Variants in TRPM6 observed in about 807,000 individuals in gnomAD.
TRPM6 encodes transient receptor potential cation channel subfamily M member 6.
In TRPM6, 111 loss-of-function variants were observed where a neutral mutation model predicts 247.6. The ratio of observed to expected loss-of-function variants is 0.45; its 90% CI spans 0.38 to 0.52. The LOEUF (loss-of-function observed/expected upper bound fraction) is 0.52. TRPM6 is among the 20% of genes least tolerant of loss of function. The pLI is 0.00. For synonymous variants in TRPM6, 892 were observed against 853.8 expected (o/e 1.04, Z -0.78); for missense variants, 2,126 against 2,421.5 (o/e 0.88, Z 2.56).
chr9:74,797,654 C>T (rs1828147281), intron 17 of TRPM6, among the ~76,000 whole-genome samples: 1 of 151,948 alleles, frequency 6.6e-6, no homozygotes, highest in African/African-American at 2.4e-5. Context: ...ATAGAGTGAT[C>T]CCATTTTTGT....
At chr9:74,818,318 T>TTG (rs1554715728) in intron 9 of TRPM6, among the ~76,000 whole-genome samples, 4 of 148,236 alleles carry the variant, frequency 2.7e-5, no homozygotes, top group African/African-American at 1.0e-4. Context: ...TTTTTTTTTT[T>TTG]TGAGACAGGG....
chr9:74,791,713 T>C (rs1045224828), intron 19 of TRPM6, among the ~76,000 whole-genome samples: 1 of 152,228 alleles, frequency 6.6e-6, no homozygotes, highest in African/African-American at 2.4e-5. Context: ...CATCATTTTC[T>C]ACCTATATAA....
chr9:74,778,526 A>T (rs1225054909), intron 23 of TRPM6, among the ~76,000 whole-genome samples: 4 of 152,126 alleles, frequency 2.6e-5, no homozygotes, highest in African/African-American at 9.7e-5. Flanking sequence ...TGTTCCACTG[A>T]TCCCTGGACG....
At chr9:74,884,637 C>T (rs986289212) in intron 1 of TRPM6, among the ~76,000 whole-genome samples, 1 of 151,950 alleles carries the variant, frequency 6.6e-6, no homozygotes, top group East Asian at 1.9e-4. Flanking sequence ...AGAAAGGGAA[C>T]TTTCTATTTG....
rs1288551290 is a variant in TRPM6, at chr9:74,779,161, C to A, written c.3210-3085G>T. 3.3e-5 allele frequency among the ~76,000 whole-genome samples: 5 copies of A among 152,264 alleles called. No individual in the cohort carries two copies. In the East Asian group the frequency reaches 9.7e-4, roughly 29 times the overall value. On this transcript the variant is annotated intron_variant, in intron 23 of 38. Coordinates refer to ENST00000360774, the MANE Select transcript of TRPM6 (RefSeq NM_017662.5). Reference sequence around the variant, plus strand: ...ACATAGTGGCATGCACCTGTGGTCCCAGCTACTCGGGAGGTTGAGGTGGGA... The same window carrying A: ...ACATAGTGGCATGCACCTGTGGTCCAAGCTACTCGGGAGGTTGAGGTGGGA...
chr9:74,849,351 CAAAAAAAA>C lies in TRPM6; in HGVS notation c.152+6168_152+6175del, dbSNP rs11333236. ...GGGAAATAAGAGTGAAACTTCATCT[CAAAAAAAA>C]AAAAAAAAAAAAGTTAAGTTAAATT... On this transcript the variant is annotated intron_variant, in intron 3 of 38. Coordinates refer to ENST00000360774, the MANE Select transcript of TRPM6 (RefSeq NM_017662.5). 5.8e-5 allele frequency among the ~76,000 whole-genome samples: 4 copies of C among 69,426 alleles called. No homozygotes were observed. The East Asian group carries it at 2.1e-3, about 36-fold the overall frequency. 45.5% of individuals were successfully genotyped at this position (69,426 alleles called of 152,430 possible). A position where few individuals can be genotyped will look rare whatever the true frequency, so the allele number is the denominator to read the frequency against.
At chr9:74,821,890 A>C in intron 7 of TRPM6, 53 bp from the exon 8 acceptor site, 1 of 1,606,598 alleles carries the variant, frequency 6.2e-7, no homozygotes, top group Non-Finnish European at 8.5e-7. Flanking sequence ...TAGCTCAGCC[A>C]GTCGGCCGTT....
intron 1 of TRPM6, chr9:74,875,393 A>C (rs1371930514): frequency 1.4e-5 from 5 of 350,412 alleles, no homozygotes; most frequent in Non-Finnish European, 2.9e-5. Context: ...AAATACAAAA[A>C]TTAGCCAGAC....
At chr9:74,824,010 A>G (rs778970069) in intron 7 of TRPM6, among the ~76,000 whole-genome samples, 2 of 152,176 alleles carry the variant, frequency 1.3e-5, no homozygotes, top group Non-Finnish European at 2.9e-5. Flanking sequence ...GTGAGATTAC[A>G]GAAAACTGTC....
At chr9:74,745,719 G>A (rs1430772710) in intron 31 of TRPM6, among the ~76,000 whole-genome samples, 1 of 152,160 alleles carries the variant, frequency 6.6e-6, no homozygotes, top group Non-Finnish European at 1.5e-5. Flanking sequence ...ACAGTGAAAT[G>A]CACTGACAGA....
At chr9:74,832,036 A>T (rs1564035356) in intron 6 of TRPM6, among the ~76,000 whole-genome samples, 1 of 152,216 alleles carries the variant, frequency 6.6e-6, no homozygotes, top group Non-Finnish European at 1.5e-5. Flanking sequence ...TTATAAAAAG[A>T]GAGACCCCCA....
chr9:74,804,390 T>C (rs1564022848), intron 14 of TRPM6: 2 of 493,246 alleles, frequency 4.1e-6, no homozygotes, highest in Non-Finnish European at 7.3e-6. Flanking sequence ...TCATTGCCAT[T>C]AGCAGGAAGT....
chr9:74,841,516 T>C (rs77174269), intron 4 of TRPM6, among the ~76,000 whole-genome samples: 4,213 of 150,674 alleles, frequency 0.028, 187 homozygotes, highest in African/African-American at 0.094. Flanking sequence ...TTTTTTTTTT[T>C]CTTTTTGAGA....
intron 1 of TRPM6, among the ~76,000 whole-genome samples, chr9:74,869,995 C>T (rs75207483): frequency 0.01 from 1,570 of 152,250 alleles, 32 homozygotes; most frequent in African/African-American, 0.036. Context: ...TTGCCAACTT[C>T]AGCATTTATT....
chr9:74,877,551 G>A (rs779816704), intron 1 of TRPM6, among the ~76,000 whole-genome samples: 1 of 151,994 alleles, frequency 6.6e-6, no homozygotes, highest in Non-Finnish European at 1.5e-5. Flanking sequence ...CCTATCCTGG[G>A]ACCCAACAGC....
chr9:74,744,516 C>T (rs1048992003), intron 31 of TRPM6, among the ~76,000 whole-genome samples: 10 of 152,028 alleles, frequency 6.6e-5, no homozygotes, highest in Admixed American at 5.2e-4. Context: ...ATGCAGTGCC[C>T]GTAGAAAGAC....
intron 5 of TRPM6, among the ~76,000 whole-genome samples, chr9:74,839,537 G>C (rs930773956): frequency 6.6e-6 from 1 of 152,122 alleles, no homozygotes; most frequent in African/African-American, 2.4e-5. Context: ...TGAGTTTAGT[G>C]AAAGTCCAGG....
In TRPM6 at chr9:74,782,795, A is replaced by G; in HGVS notation, c.2978T>C (p.Val993Ala). ...TGGCGAAAGGATGGCCTTGCGTGCC[A>G]CTCCAAAGCTCAGCAGGACTATGGC... ...IMAIVLLSFGVARKAILSPKE... is the reference protein window; with the variant it reads ...IMAIVLLSFGAARKAILSPKE... Residue 993 changes from valine to alanine, a missense_variant, in exon 22 of 39, where the codon GTG becomes GCG. Around this residue, in one of 3 missense-constraint regions of TRPM6, gnomAD observed 1,082 missense variants for 1,307.9 expected, o/e 0.83. Coordinates refer to ENST00000360774, the MANE Select transcript of TRPM6 (RefSeq NM_017662.5). The G allele has an allele frequency of 6.2e-7, 1 of 1,614,086 alleles. No individual in the cohort carries two copies. Among genetic ancestry groups the G allele is most frequent in the Non-Finnish European group, 8.5e-7 (1 of 1,180,000 alleles).
intron 28 of TRPM6, among the ~76,000 whole-genome samples, chr9:74,753,578 C>T (rs556603): frequency 0.12 from 17,850 of 151,728 alleles, 1,236 homozygotes; most frequent in South Asian, 0.22. Flanking sequence ...ATGCTATAGT[C>T]CCAGCTACTC....
Sources: allele counts gnomAD v4.1 joint callset (sites outside exome capture counted in the v4.1 genomes callset), GRCh38; gene constraint gnomAD v4.1.1; regional missense constraint gnomAD v4.1.1; transcripts MANE v1.5; gene names NCBI Gene and HGNC (gene_info 2026-07-23, HGNC 2026-07-21).